C2CD3: variants seen among roughly 807,000 people sequenced by gnomAD.
C2CD3 encodes the protein C2 domain containing 3 centriole elongation regulator, also known as C2 domain-containing protein 3.
A neutral mutation model predicts 234.0 loss-of-function variants in C2CD3; 148 were observed. The ratio of observed to expected loss-of-function variants is 0.63; its 90% CI spans 0.55 to 0.72. C2CD3 has a LOEUF of 0.72. Among genes scored for constraint, C2CD3 ranks in the 30% least tolerant of loss-of-function variants. The pLI is 0.00. For synonymous variants in C2CD3, 1,000 were observed against 1,035.4 expected, an observed-to-expected ratio of 0.97 and a Z score of 0.66; for missense variants, 2,577 against 2,811.5, an observed-to-expected ratio of 0.92 and a Z score of 1.89.
intron 24 of C2CD3, among the ~76,000 whole-genome samples, chr11:74,059,607 C>A (rs1954131410): frequency 6.6e-6 from 1 of 152,040 alleles, no homozygotes; most frequent in South Asian, 2.1e-4. Flanking sequence ...ACTCAGGAAC[C>A]ACAGATTTTA....
At chr11:74,141,327 G>A (rs1015554799) in intron 3 of C2CD3, among the ~76,000 whole-genome samples, 1 of 152,144 alleles carries the variant, frequency 6.6e-6, no homozygotes, top group Non-Finnish European at 1.5e-5. Context: ...ACAGCAATGC[G>A]GTGGGATGAA....
rs749692041 is a variant in C2CD3 at position 74,153,755 on chromosome 11, T to C, written c.483+7644A>G. On this transcript the variant is annotated intron_variant, in intron 3 of 32. Transcript: ENST00000334126. ...ACAAAAATTTTCAATAAGAACAAAA[T>C]TAGAGGGCTCAGAGTATCTTATTTC... Among the ~76,000 whole-genome samples the C allele has an allele frequency of 3.9e-5, 6 of 152,186 alleles. No homozygotes were observed. The South Asian group carries it at 6.2e-4, about 16-fold the overall frequency.
intron 5 of C2CD3, among the ~76,000 whole-genome samples, chr11:74,133,853 G>A (rs564995725): frequency 3.3e-5 from 5 of 152,098 alleles, no homozygotes; most frequent in Non-Finnish European, 7.3e-5. Flanking sequence ...CTTCCAACTG[G>A]TGCTTGTACC....
intron 24 of C2CD3, among the ~76,000 whole-genome samples, chr11:74,065,145 A>C (rs971422890): frequency 5.9e-4 from 90 of 152,350 alleles, no homozygotes; most frequent in Middle Eastern, 3.4e-3. Context: ...AATGGGAGAA[A>C]ATTTTTACAA....
rs544757926 is a variant in C2CD3, at chr11:74,138,017, T to C, written c.955+703A>G. ...CAAATAGTTATTTAAAAGACTTTTC[T>C]GATGCTACAGATATTTTAATTTTGG... On this transcript the variant is annotated intron_variant, in intron 5 of 32. Transcript: ENST00000334126. 8.5e-5 allele frequency among the ~76,000 whole-genome samples: 13 copies of C among 152,386 alleles called. No individual in the cohort carries two copies. In the South Asian group the frequency reaches 2.5e-3, roughly 29 times the overall value.
Position 74,114,382 on chromosome 11 carries a change from AC to A in C2CD3, c.1730+1del. The A allele has an allele frequency of 6.2e-7, 1 of 1,610,832 alleles. No individual in the cohort carries two copies. Among genetic ancestry groups the A allele is most frequent in the Non-Finnish European group, 8.5e-7 (1 of 1,177,418 alleles). ...TTTAGCTTTCTCATGTTAGAGACAT[AC>A]CGCTTTTTTGCTGTAGTCACCTTAG... On this transcript the variant is annotated splice_donor_variant, in intron 10 of 32. Coordinates refer to ENST00000334126, the MANE Select transcript of C2CD3 (RefSeq NM_001286577.2). LOFTEE classifies it high-confidence loss of function.
chr11:74,051,799 C>T (rs900888843), intron 26 of C2CD3, among the ~76,000 whole-genome samples: 1 of 152,162 alleles, frequency 6.6e-6, no homozygotes, highest in Non-Finnish European at 1.5e-5. Context: ...ACTGTAAGCT[C>T]TGTGAGGACA....
chr11:74,165,062 C>T (rs953300374), intron 2 of C2CD3, among the ~76,000 whole-genome samples: 1 of 151,892 alleles, frequency 6.6e-6, no homozygotes, highest in Non-Finnish European at 1.5e-5. Flanking sequence ...CTGAGAGAGA[C>T]CTTTTCTCAA....
At chr11:74,106,652 T>G (rs1956531967) in intron 12 of C2CD3, among the ~76,000 whole-genome samples, 159 bp from the exon 13 acceptor site, 1 of 152,232 alleles carries the variant, frequency 6.6e-6, no homozygotes, top group African/African-American at 2.4e-5. Flanking sequence ...TGTCATATTT[T>G]GGTCTCTCTT....
At chr11:74,026,887 CT>C (rs1271023178) in intron 32 of C2CD3, among the ~76,000 whole-genome samples, 1 of 148,022 alleles carries the variant, frequency 6.8e-6, no homozygotes, top group Non-Finnish European at 1.5e-5. Flanking sequence ...AGGAGAATTG[CT>C]TGAACCCGGG....
chr11:74,133,211 CA>C (rs1359300789), intron 6 of C2CD3, among the ~76,000 whole-genome samples: 1 of 152,152 alleles, frequency 6.6e-6, no homozygotes, highest in African/African-American at 2.4e-5. Context: ...AGTTCGGAGA[CA>C]GTAAAGAATT....
At position 74,045,868 on chromosome 11, in the gene C2CD3, C is replaced by T. The variant is rs188916837; in HGVS notation, c.5495+2337G>A. ...AATTACAGGCATGAGAGACCACGCC[C>T]AGCCTCAATTTCATTTTTGGTTATT... On this transcript the variant is annotated intron_variant, in intron 28 of 32. Transcript: ENST00000334126. Among the ~76,000 whole-genome samples, 13 of 152,272 alleles carry T rather than the reference C, an allele frequency of 8.5e-5. No individual in the cohort carries two copies. In the East Asian group the frequency reaches 1.9e-3, roughly 23 times the overall value.
intron 11 of C2CD3, among the ~76,000 whole-genome samples, chr11:74,110,250 T>A (rs1956696211): frequency 6.6e-6 from 1 of 151,322 alleles, no homozygotes; most frequent in Non-Finnish European, 1.5e-5. Context: ...CTAAGGCTGT[T>A]AAAATGGATC....
rs1392200432 is a variant in C2CD3, at chr11:74,100,516, C to T, written c.2732+9G>A. The T allele has an allele frequency of 1.2e-6, 2 of 1,603,408 alleles. No homozygotes were observed. The highest frequency in any genetic ancestry group is 1.8e-5 in the Admixed American group (1 of 56,986). On this transcript the variant is annotated intron_variant, in intron 15 of 32. Coordinates refer to ENST00000334126, the MANE Select transcript of C2CD3 (RefSeq NM_001286577.2). ...CACAATAAAGAATACTCCAAAAGGT[C>T]CTATTTACTTGAATGACATGTAAAA...
intron 32 of C2CD3, 125 bp downstream of exon 32, chr11:74,028,162 T>C (rs1014400602): frequency 1.5e-6 from 1 of 687,542 alleles, no homozygotes; most frequent in East Asian, 2.8e-5. Flanking sequence ...CAGTACAAAC[T>C]TGAGGAGTGA....
chr11:74,163,579 C>T (rs1483662822), intron 2 of C2CD3, among the ~76,000 whole-genome samples: 1 of 152,168 alleles, frequency 6.6e-6, no homozygotes, highest in Non-Finnish European at 1.5e-5. Context: ...TAAGGGGCTT[C>T]CTGCTTTGCT....
At chr11:74,152,331 T>C (rs979155277) in intron 3 of C2CD3, among the ~76,000 whole-genome samples, 1 of 152,126 alleles carries the variant, frequency 6.6e-6, no homozygotes, top group Non-Finnish European at 1.5e-5. Context: ...AAAACCAAAC[T>C]ACCAAAGCTC....
intron 23 of C2CD3, 83 bp downstream of exon 23, chr11:74,078,032 A>G: frequency 1.4e-6 from 2 of 1,467,448 alleles, no homozygotes; most frequent in Non-Finnish European, 1.8e-6. Flanking sequence ...CAAGTAAAGT[A>G]ATGTCTGACA....
At chr11:74,037,362 G>A in intron 30 of C2CD3, 116 bp downstream of exon 30, 1 of 786,166 alleles carries the variant, frequency 1.3e-6, no homozygotes. Context: ...GGAAGAGGGT[G>A]AAAACAATTG....
Sources: gnomAD v4.1 joint callset for allele counts (sites outside exome capture counted in the v4.1 genomes callset) on GRCh38, gnomAD v4.1.1 for gene constraint, MANE v1.5 for transcripts, NCBI Gene and HGNC (gene_info 2026-07-23, HGNC 2026-07-21) for gene names.